The following TTN variants were observed in gnomAD, a reference collection of about 807,000 sequenced individuals.
TTN encodes the protein titin.
Under a neutral mutation model 3,223.0 loss-of-function variants are expected in TTN, and 1,525 were observed. The observed-to-expected ratio is 0.47, with a 90% CI of 0.45 to 0.49. TTN has a LOEUF of 0.49. Among genes scored for constraint, TTN ranks in the 20% least tolerant of loss-of-function variants. The pLI is 0.00. For missense variants in TTN, 40,786 were observed against 43,424.0 expected (o/e 0.94, Z 5.40); for synonymous variants, 14,094 against 15,161.0 (o/e 0.93, Z 5.17).
chr2:178,616,551 A>G lies in TTN; in HGVS notation c.48240T>C (p.Asp16080=). Residue 16080 remains aspartate (D), a synonymous_variant, in exon 257 of 363, where the codon GAT becomes GAC. Transcript: ENST00000589042. ...DSVHLTWEPP[D]DDGGSPLTGY... is the part of the protein sequence containing the mutation. ...CAGTTAACGGACTTCCTCCATCATC[A>G]TCAGGTGGTTCCCAAGTCAAATGTA... 2 of 1,612,408 alleles carry G rather than the reference A, an allele frequency of 1.2e-6. No homozygotes were observed. The highest frequency in any genetic ancestry group is 1.7e-6 in the Non-Finnish European group (2 of 1,178,978).
intron 294 of TTN, among the ~76,000 whole-genome samples, chr2:178,597,299 CT>C (rs1433298481): frequency 6.6e-6 from 1 of 152,092 alleles, no homozygotes; most frequent in African/African-American, 2.4e-5. Context: ...TGCATGTCTT[CT>C]TGTTAGCATC....
chr2:178,747,662 C>T (rs1267658275), intron 47 of TTN: 1 of 1,613,152 alleles, frequency 6.2e-7, no homozygotes, highest in Admixed American at 1.7e-5. Context: ...CTCACGCTTT[C>T]CAGCAGCAAG....
At chr2:178,714,844 TA>T in intron 90 of TTN, 141 bp downstream of exon 90, 2 of 1,161,146 alleles carry the variant, frequency 1.7e-6, no homozygotes, top group Non-Finnish European at 1.2e-6. Flanking sequence ...GGAAGCAGAC[TA>T]AACAGAAAAG....
Position 178,567,734 on chromosome 2 carries a change from CCATCAGGCAAAT to C in TTN, c.78386_78397del (p.Asp26129_Asp26132del). ...TGTAAAGCTAGCTTTCATCCAACGACCATCAGGCAAATCACGTTTCTCTACAATGTAGCCTGT... is the reference window on the plus strand; with the variant it reads ...TGTAAAGCTAGCTTTCATCCAACGACCACGTTTCTCTACAATGTAGCCTGT... On this transcript the variant is annotated inframe_deletion, in exon 326 of 363. Transcript: ENST00000589042. The C allele has an allele frequency of 6.2e-7, 1 of 1,612,630 alleles. No individual in the cohort carries two copies. Among genetic ancestry groups the C allele is most frequent in the Non-Finnish European group, 8.5e-7 (1 of 1,178,932 alleles).
rs770005413 is a variant in TTN, at chr2:178,532,734, A to G, written c.103881T>C (p.Asp34627=). 5 of 1,613,850 alleles carry G rather than the reference A, an allele frequency of 3.1e-6. No individual in the cohort carries two copies. Among genetic ancestry groups the G allele is most frequent in the Admixed American group, 1.7e-5 (1 of 59,992 alleles). ...GGGCTGGTCTCACTATCTCAAGATC[A>G]TCTTGGGACAGTTTAGGAATACGCC... ...PKWRIPKLSQ[D]DLEIVRPARR... is the part of the protein sequence containing the mutation. Residue 34627 remains aspartate, a synonymous_variant, in exon 358 of 363, where the codon GAT becomes GAC. Coordinates refer to ENST00000589042, the MANE Select transcript of TTN (RefSeq NM_001267550.2).
rs772499668 is a variant in TTN at position 178,768,032 on chromosome 2, T to A, written c.9287A>T (p.Glu3096Val). The stretch of plus-strand genomic sequence containing the variant: ...AACTGACCTGTCTGTGATCTGCAGT[T>A]CCTGGTCATCTTTCATCCACTGTAC... ...ITVQWMKDDQ[E>V]LQITDRIKIQ... Residue 3096 changes from glutamate (E) to valine (V), a missense_variant, in exon 39 of 363, where the codon GAA (glutamate) becomes GTA (valine). By Grantham distance (121) the Glu-to-Val change is moderately radical. Transcript: ENST00000589042. 7 of 1,614,156 alleles carry A rather than the reference T, an allele frequency of 4.3e-6. No individual in the cohort carries two copies. In the South Asian group the frequency reaches 6.6e-5, roughly 15 times the overall value.
rs570039271 is a variant in TTN at position 178,731,800 on chromosome 2, A to G, written c.17075T>C (p.Val5692Ala). Residue 5692 changes from valine (V) to alanine (A), a missense_variant, in exon 58 of 363, where the codon GTT (valine) becomes GCT (alanine). Physicochemically the swap from Val to Ala is moderately conservative, Grantham distance 64 (BLOSUM62 0). Transcript: ENST00000589042. ...KYKTFIQDHL[V>A]SLQILKFVAA... ...TACAAACTTGAGGATCTGCAGGCTA[A>G]CCAGATGATCCTGAATGAAAGTCTT... The G allele has an allele frequency of 2.2e-5, 36 of 1,613,808 alleles. No individual in the cohort carries two copies. The South Asian group carries it at 3.5e-4, about 16-fold the overall frequency.
At position 178,532,569 on chromosome 2, in the gene TTN, A is replaced by G; in HGVS notation, c.104046T>C (p.Arg34682=). The change falls in exon 358 of 363, where the codon CGT becomes CGC. Residue 34682 remains arginine (R), a synonymous_variant. Transcript: ENST00000589042. ...AMKRTEEERL[R]LEEELELGFS... is the part of the protein sequence containing the mutation. ...AACCTAACTCAAGCTCTTCTTCAAG[A>G]CGCAGCCTCTCTTCCTCTGTTCTTT... 6.2e-7 allele frequency: 1 copy of G among 1,613,974 alleles called. No homozygotes were observed.
At chr2:178,582,263 A>G (rs368975878) in intron 314 of TTN, 33 bp downstream of exon 314, 10 of 1,575,982 alleles carry the variant, frequency 6.3e-6, no homozygotes, top group Admixed American at 2.1e-5. Flanking sequence ...ATTTTAAAAA[A>G]TAAAATGAAA....
chr2:178,726,683 C>T (rs1359746953), intron 69 of TTN: 1 of 156,156 alleles, frequency 6.4e-6, no homozygotes, highest in Non-Finnish European at 1.4e-5. Context: ...AGTTTAAAAC[C>T]TGTATTGCTT....
Position 178,723,404 on chromosome 2 carries a change from C to T in TTN, c.21682+14G>A. The T allele has an allele frequency of 6.2e-7, 1 of 1,605,420 alleles. No homozygotes were observed. On this transcript the variant is annotated intron_variant, in intron 74 of 362. Transcript: ENST00000589042. ...TATACAGAAAACAGAAAAAGTGAAT[C>T]CACTTGAGCAAACCTTTCACAAAGA...
intron 15 of TTN, among the ~76,000 whole-genome samples, chr2:178,784,897 A>G (rs903768025): frequency 2.0e-5 from 3 of 152,222 alleles, no homozygotes; most frequent in Non-Finnish European, 2.9e-5. Flanking sequence ...TTGGGACTAA[A>G]TCAAATATAG....
chr2:178,550,419 G>A (rs1315324212), intron 336 of TTN, 146 bp from the exon 337 acceptor site: 1 of 645,032 alleles, frequency 1.6e-6, no homozygotes, highest in Non-Finnish European at 2.5e-6. Context: ...AAGTAGGATT[G>A]ATAATTGAGA....
intron 56 of TTN, 39 bp from the exon 57 acceptor site, chr2:178,732,386 A>T: frequency 6.3e-7 from 1 of 1,574,978 alleles, no homozygotes; most frequent in South Asian, 1.2e-5. Flanking sequence ...TGTGAGAAAG[A>T]GGAAAGAATT....
intron 207 of TTN, 25 bp downstream of exon 207, chr2:178,651,428 T>A (rs1462448806): frequency 4.4e-6 from 7 of 1,604,056 alleles, no homozygotes; most frequent in Non-Finnish European, 6.0e-6. Flanking sequence ...TCCGCCCCCA[T>A]CAAACAGTGG....
Position 178,730,390 on chromosome 2 carries a change from C to G in TTN, c.18029-19G>C, listed in dbSNP as rs17076. 0.2 allele frequency: 316,440 copies of G among 1,555,784 alleles called. 38,471 individuals carry two copies. The highest frequency in any genetic ancestry group is 0.66 in the East Asian group (29,012 of 43,942). ...GGGGGTTCTGAGGTGAAAGAAAAAA[C>G]AAGCAAAAGAAAATAGGAAGTTTTA... is the stretch of plus-strand genomic sequence containing the variant. On this transcript the variant is annotated intron_variant, in intron 61 of 362. Transcript: ENST00000589042.
Position 178,598,899 on chromosome 2 carries a change from A to G in TTN, c.56811T>C (p.Asp18937=). 6.2e-7 allele frequency: 1 copy of G among 1,613,038 alleles called. No individual in the cohort carries two copies. Among genetic ancestry groups the G allele is most frequent in the East Asian group, 2.2e-5 (1 of 44,694 alleles). ...TSKRWKRVNR[D]PIKAMTLGVS... ...CACCCAAAGTCATGGCTTTGATAGG[A>G]TCTCGGTTAACTCTCTTCCATCTCT... Residue 18937 remains aspartate, a synonymous_variant, in exon 291 of 363, where the codon GAT becomes GAC. Transcript: ENST00000589042.
At position 178,552,906 on chromosome 2, in the gene TTN, C is replaced by T. The variant is rs142891278; in HGVS notation, c.89994G>A (p.Ser29998=). Reference sequence around the variant, plus strand: ...CTCTGAAGAAGAATGGAGTCTTCTCCGACAAATCTATTAGCTTGAAGGATG... The same window carrying T: ...CTCTGAAGAAGAATGGAGTCTTCTCTGACAAATCTATTAGCTTGAAGGATG... The part of the protein sequence containing the change: ...SSTSFKLIDL[S]EKTPFFFRVL... Residue 29998 remains serine, a synonymous_variant, in exon 335 of 363, where the codon TCG becomes TCA. Coordinates refer to ENST00000589042, the MANE Select transcript of TTN (RefSeq NM_001267550.2). 3,572 of 1,613,720 alleles carry T rather than the reference C, an allele frequency of 2.2e-3. 53 individuals carry two copies. The highest frequency in any genetic ancestry group is 0.021 in the South Asian group (1,930 of 91,072).
Position 178,712,769 on chromosome 2 carries a change from T to A in TTN, c.27256A>T (p.Ser9086Cys). 6.2e-7 allele frequency: 1 copy of A among 1,613,852 alleles called. No homozygotes were observed. Among genetic ancestry groups the A allele is most frequent in the Non-Finnish European group, 8.5e-7 (1 of 1,179,798 alleles). The stretch of plus-strand genomic sequence containing the variant: ...CTAACTATGCAAGTATATTCTCCAC[T>A]TTGTGATGTATCTACATCGAACAAC... ...LELFDVDTSQ[S>C]GEYTCIVSNE... The change falls in exon 94 of 363, where the codon AGT becomes TGT. Residue 9086 changes from serine to cysteine, a missense_variant. Physicochemically the swap from Ser to Cys is moderately radical, Grantham distance 112. Transcript: ENST00000589042.
Sources: allele counts gnomAD v4.1 joint callset (sites outside exome capture counted in the v4.1 genomes callset), GRCh38; gene constraint gnomAD v4.1.1; transcripts MANE v1.5; gene names NCBI Gene and HGNC (gene_info 2026-07-23, HGNC 2026-07-21).